The following PDK1 variants were observed in gnomAD, a reference collection of about 807,000 sequenced individuals.
The protein encoded by PDK1 is pyruvate dehydrogenase kinase 1.
A neutral mutation model predicts 54.2 loss-of-function variants in PDK1; 39 were observed. That is an observed-to-expected ratio of 0.72 (90% CI 0.56 to 0.94). PDK1 has a LOEUF of 0.94. Ranked by LOEUF, PDK1 falls within the 40% of genes least tolerant of loss-of-function variation. The probability of loss-of-function intolerance (pLI) is 0.00; values close to 1 mark genes in which losing one functional copy is unlikely to be tolerated. For synonymous variants in PDK1, 221 were observed against 207.1 expected, an observed-to-expected ratio of 1.07 and a Z score of -0.58; for missense variants, 552 against 566.0, an observed-to-expected ratio of 0.98 and a Z score of 0.25.
In PDK1 at chr2:172,608,320, A is replaced by G. The variant is rs1005061114; in HGVS notation, c.*12351A>G. 1.3e-5 allele frequency: 2 copies of G among 152,132 alleles called. No individual in the cohort carries two copies. Among genetic ancestry groups the G allele is most frequent in the Non-Finnish European group, 2.9e-5 (2 of 68,010 alleles). 9.4% of individuals were successfully genotyped at this position (152,132 alleles called of 1,614,324 possible). A position where few individuals can be genotyped will look rare whatever the true frequency, so the allele number is the denominator to read the frequency against. On this transcript the variant is annotated 3_prime_UTR_variant, in exon 11 of 11. Transcript: ENST00000282077. The stretch of plus-strand genomic sequence containing the variant: ...AAGAAAGGTCGTTTTAGTTTATAAC[A>G]TTTTCCTTCCGATTCTAGGTGATTA...
the PDK1 span, among the ~76,000 whole-genome samples, chr2:172,633,949 C>T: frequency 7.1e-6 from 1 of 140,574 alleles, no homozygotes; most frequent in Non-Finnish European, 1.5e-5. Flanking sequence ...GATCTCGCCT[C>T]ACTGCAAACT....
chr2:172,559,428 A>G (rs924145158), intron 2 of PDK1, among the ~76,000 whole-genome samples: 4 of 152,268 alleles, frequency 2.6e-5, no homozygotes, highest in Non-Finnish European at 5.9e-5. Context: ...CAAGGATATT[A>G]TAAGAAAAAA....
chr2:172,675,657 G>A, the PDK1 span, among the ~76,000 whole-genome samples: 9 of 152,200 alleles, frequency 5.9e-5, no homozygotes, highest in Non-Finnish European at 1.3e-4. Context: ...AGGGAAAGAA[G>A]CCATCTCTAT....
At chr2:172,715,962 T>C in the PDK1 span, among the ~76,000 whole-genome samples, 1 of 152,206 alleles carries the variant, frequency 6.6e-6, no homozygotes. Flanking sequence ...CAATCTGGAG[T>C]ATCATAATTG....
chr2:172,573,913 G>A (rs1689435314), intron 8 of PDK1, among the ~76,000 whole-genome samples: 1 of 152,088 alleles, frequency 6.6e-6, no homozygotes, highest in African/African-American at 2.4e-5. Flanking sequence ...ACAGGTGTGA[G>A]TCACCACACC....
chr2:172,580,671 T>G (rs1016115293), intron 8 of PDK1, among the ~76,000 whole-genome samples: 21 of 152,354 alleles, frequency 1.4e-4, no homozygotes, highest in African/African-American at 4.8e-4. Flanking sequence ...ATAGTGGCAC[T>G]ATTCACAATA....
chr2:172,683,344 CAAAAA>C, the PDK1 span, among the ~76,000 whole-genome samples: 1 of 129,990 alleles, frequency 7.7e-6, no homozygotes, highest in Non-Finnish European at 1.6e-5. Flanking sequence ...GAAACTCCGT[CAAAAA>C]AAAAAAAAAA....
chr2:172,707,174 T>C, the PDK1 span, among the ~76,000 whole-genome samples: 2 of 152,204 alleles, frequency 1.3e-5, no homozygotes, highest in East Asian at 3.9e-4. Flanking sequence ...GGGTTCCCTA[T>C]GTGGTCTCCA....
the PDK1 span, among the ~76,000 whole-genome samples, chr2:172,717,293 G>C: frequency 6.6e-6 from 1 of 152,180 alleles, no homozygotes; most frequent in South Asian, 2.1e-4. Context: ...TCTTGAGATG[G>C]CTGCAGCCTG....
chr2:172,676,890 C>T, the PDK1 span, among the ~76,000 whole-genome samples: 1 of 152,082 alleles, frequency 6.6e-6, no homozygotes, highest in African/African-American at 2.4e-5. Context: ...CCATAGCCAC[C>T]CCATCCTTCA....
chr2:172,592,523 CT>C (rs1340633938), intron 9 of PDK1, among the ~76,000 whole-genome samples: 3 of 152,140 alleles, frequency 2.0e-5, no homozygotes, highest in African/African-American at 7.2e-5. Flanking sequence ...CTCTTTCTCT[CT>C]TTCCTTTCTG....
the PDK1 span, among the ~76,000 whole-genome samples, chr2:172,720,509 G>A: frequency 0.49 from 74,755 of 151,926 alleles, 18,936 homozygotes; most frequent in Middle Eastern, 0.67. Context: ...GGAATGGACT[G>A]CTATTGCTTG....
chr2:172,620,686 T>C, the PDK1 span, among the ~76,000 whole-genome samples: 1 of 152,152 alleles, frequency 6.6e-6, no homozygotes, highest in Non-Finnish European at 1.5e-5. Context: ...GCTGTCTTCA[T>C]GATAGTGAGT....
At chr2:172,634,324 G>A in the PDK1 span, among the ~76,000 whole-genome samples, 1,095 of 122,178 alleles carry the variant, frequency 9.0e-3, 2 homozygotes, top group Middle Eastern at 0.02. Context: ...CCAGGCTGGA[G>A]TGCAATGGCG....
At chr2:172,630,785 A>T in the PDK1 span, among the ~76,000 whole-genome samples, 1 of 152,086 alleles carries the variant, frequency 6.6e-6, no homozygotes, top group Non-Finnish European at 1.5e-5. Context: ...GCATACCACC[A>T]TATCTGGCTA....
chr2:172,596,172 AC>A lies in PDK1; in HGVS notation c.*204del, dbSNP rs1690880328. The A allele has an allele frequency of 2.4e-6, 1 of 423,958 alleles. No individual in the cohort carries two copies. The highest frequency in any genetic ancestry group is 3.8e-5 in the Admixed American group (1 of 26,454). The allele number at this position is 423,958 out of a possible 1,614,324, so 26.3% of individuals were successfully genotyped here. ...GCACCTATTTTACACTTATATTTTC[AC>A]AGTTAATTGAACATATTTTTAAACA... is the stretch of plus-strand genomic sequence containing the variant. On this transcript the variant is annotated 3_prime_UTR_variant, in exon 11 of 11. Transcript: ENST00000282077.
downstream of PDK1, among the ~76,000 whole-genome samples, chr2:172,612,628 A>G (rs1025835808): frequency 2.6e-5 from 4 of 152,230 alleles, no homozygotes; most frequent in Admixed American, 2.0e-4. Flanking sequence ...TTAGCCAAAT[A>G]CATGCTGTAC....
chr2:172,698,448 A>G, the PDK1 span, among the ~76,000 whole-genome samples: 2 of 152,224 alleles, frequency 1.3e-5, no homozygotes, highest in Non-Finnish European at 2.9e-5. Context: ...CCAAACTACT[A>G]CAGAGCCTCC....
chr2:172,563,815 CAA>C (rs200409286), intron 3 of PDK1, among the ~76,000 whole-genome samples: 2,925 of 150,344 alleles, frequency 0.019, 103 homozygotes, highest in African/African-American at 0.068. Context: ...GCCTGGGCAA[CAA>C]GAGCAAAATT....
Sources: allele counts gnomAD v4.1 joint callset (sites outside exome capture counted in the v4.1 genomes callset), GRCh38; gene constraint gnomAD v4.1.1; transcripts MANE v1.5; gene names NCBI Gene and HGNC (gene_info 2026-07-23, HGNC 2026-07-21).